Variants in HIF3A observed in about 807,000 individuals in gnomAD.
HIF3A encodes hypoxia-inducible factor 3-alpha.
In HIF3A, 41 loss-of-function variants were observed where a neutral mutation model predicts 67.2. The observed-to-expected ratio is 0.61, with a 90% CI of 0.48 to 0.79. The LOEUF is 0.79. Among genes scored for constraint, HIF3A ranks in the 30% least tolerant of loss-of-function variants. The pLI is 0.00. For missense variants in HIF3A, 855 were observed against 898.0 expected, an observed-to-expected ratio of 0.95 and a Z score of 0.61; for synonymous variants, 356 against 374.8, an observed-to-expected ratio of 0.95 and a Z score of 0.58.
rs1448888438 is a variant in HIF3A, at chr19:46,297,692, G to T, written c.26+590G>T. Among the ~76,000 whole-genome samples, 1 of 152,048 alleles carries T rather than the reference G, an allele frequency of 6.6e-6. No homozygotes were observed. Among genetic ancestry groups the T allele is most frequent in the African/African-American group, 2.4e-5 (1 of 41,408 alleles). On this transcript the variant is annotated intron_variant, in intron 1 of 14. Transcript: ENST00000377670. This position sits in a 1 kb window ranked among gnomAD's most constrained non-coding sequence, Gnocchi z 4.5. ...TGGGTTTCCCTAGAAATGGGCAGAGGGGAGCCCCTTTCAGAAGCCGTCTGG... is the reference window on the plus strand; with the variant it reads ...TGGGTTTCCCTAGAAATGGGCAGAGTGGAGCCCCTTTCAGAAGCCGTCTGG...
chr19:46,327,912 G>A (rs1320663710), intron 11 of HIF3A, among the ~76,000 whole-genome samples: 2 of 152,338 alleles, frequency 1.3e-5, no homozygotes, highest in South Asian at 2.1e-4. Context: ...GGGACATGTT[G>A]TCCTCCCAGT....
At chr19:46,317,671 G>T (rs1970025903) in intron 8 of HIF3A, among the ~76,000 whole-genome samples, 1 of 151,924 alleles carries the variant, frequency 6.6e-6, no homozygotes, top group Non-Finnish European at 1.5e-5. Flanking sequence ...TGTCCCCCAT[G>T]CCCATTTTCT....
At chr19:46,304,822 C>T (rs2147127388) in intron 2 of HIF3A, among the ~76,000 whole-genome samples, 1 of 151,356 alleles carries the variant, frequency 6.6e-6, no homozygotes, top group Admixed American at 6.6e-5. Context: ...CTCTAGAGTT[C>T]TGTCCCTCTG....
In HIF3A at chr19:46,339,763, T is replaced by A; in HGVS notation, c.*141T>A. On this transcript the variant is annotated 3_prime_UTR_variant, in exon 15 of 15. Coordinates refer to ENST00000377670, the MANE Select transcript of HIF3A (RefSeq NM_152795.4). ...ATGTACCCCCTGCCCACCTCGGGCC[T>A]ACCTCAGCCCTCACCCCTCTGCCTG... 1 of 511,780 alleles carries A rather than the reference T, an allele frequency of 2.0e-6. No individual in the cohort carries two copies. The highest frequency in any genetic ancestry group is 3.4e-6 in the Non-Finnish European group (1 of 294,246). The allele number at this position is 511,780 out of a possible 1,614,324, so 31.7% of individuals were successfully genotyped here.
intron 12 of HIF3A, among the ~76,000 whole-genome samples, chr19:46,330,286 TG>T (rs1392627117): frequency 6.6e-6 from 1 of 152,128 alleles, no homozygotes; most frequent in Non-Finnish European, 1.5e-5. Flanking sequence ...GACAGGTGGA[TG>T]GATGCATAGG....
At chr19:46,327,155 A>C (rs796951041) in intron 11 of HIF3A, among the ~76,000 whole-genome samples, 18 of 149,120 alleles carry the variant, frequency 1.2e-4, no homozygotes, top group South Asian at 4.2e-4. Context: ...CTTTTGTCCC[A>C]AAAAAAATAT....
At position 46,333,788 on chromosome 19, in the gene HIF3A, C is replaced by CTTTTTTTTTT. The variant is rs1165101162; in HGVS notation, c.1831-1104_1831-1095dup. ...TTCCTTTCCTTTCTTTTCTTTCTTT[C>CTTTTTTTTTT]TTTTTTTTTTTTTTTTTTTTTTGAG... On this transcript the variant is annotated intron_variant, in intron 13 of 14. Coordinates refer to ENST00000377670, the MANE Select transcript of HIF3A (RefSeq NM_152795.4). Among the ~76,000 whole-genome samples, 86 of 103,574 alleles carry CTTTTTTTTTT rather than the reference C, an allele frequency of 8.3e-4. 1 individual carries two copies. Among genetic ancestry groups the CTTTTTTTTTT allele is most frequent in the African/African-American group, 1.5e-3 (40 of 26,088 alleles). The allele number at this position is 103,574 out of a possible 152,430, so 67.9% of individuals were successfully genotyped here. A position where few individuals can be genotyped will look rare whatever the true frequency, so the allele number is the denominator to read the frequency against.
chr19:46,300,265 C>A (rs900239545), intron 1 of HIF3A, among the ~76,000 whole-genome samples: 3 of 152,192 alleles, frequency 2.0e-5, no homozygotes, highest in African/African-American at 7.2e-5. Flanking sequence ...CATGCACACA[C>A]CACACTATGG....
intron 11 of HIF3A, among the ~76,000 whole-genome samples, chr19:46,327,278 G>A (rs983507154): frequency 1.3e-5 from 2 of 151,562 alleles, no homozygotes; most frequent in Admixed American, 6.6e-5. Flanking sequence ...CTGGCCCAAG[G>A]GTGCTCTTCA....
chr19:46,335,245 C>T (rs1489336787), intron 14 of HIF3A, among the ~76,000 whole-genome samples: 1 of 134,692 alleles, frequency 7.4e-6, no homozygotes, highest in African/African-American at 3.2e-5. Flanking sequence ...CGCCTATGAT[C>T]ACATTTATTT....
intron 1 of HIF3A, chr19:46,298,396 T>C: frequency 9.3e-7 from 1 of 1,077,428 alleles, no homozygotes; most frequent in Non-Finnish European, 1.3e-6. Flanking sequence ...GGCCCTTTCC[T>C]GTGGAGTCAT....
intron 1 of HIF3A, among the ~76,000 whole-genome samples, chr19:46,301,797 G>A (rs1206628976): frequency 6.6e-6 from 1 of 150,668 alleles, no homozygotes; most frequent in Non-Finnish European, 1.5e-5. Flanking sequence ...ACTCCAGCCT[G>A]GCTGACACAG....
chr19:46,334,278 G>A (rs1161898772), intron 13 of HIF3A, among the ~76,000 whole-genome samples: 1 of 151,912 alleles, frequency 6.6e-6, no homozygotes, highest in African/African-American at 2.4e-5. Context: ...TTTTAGTAGA[G>A]ATGGAGTTTC....
chr19:46,316,747 G>C (rs1969942924), intron 8 of HIF3A, among the ~76,000 whole-genome samples: 1 of 149,470 alleles, frequency 6.7e-6, no homozygotes, highest in South Asian at 2.1e-4. Flanking sequence ...AGGTTGCAAT[G>C]AGTGGAGATC....
intron 3 of HIF3A, chr19:46,306,483 G>C (rs1968863694): frequency 6.6e-6 from 1 of 152,180 alleles, no homozygotes; most frequent in Admixed American, 6.6e-5. Flanking sequence ...AACATGGAAG[G>C]CTTCATGCAT....
At chr19:46,331,345 A>C in intron 13 of HIF3A, 72 bp downstream of exon 13, 1 of 1,227,728 alleles carries the variant, frequency 8.1e-7, no homozygotes, top group Non-Finnish European at 1.2e-6. Flanking sequence ...TTTTATAGAT[A>C]GGAAACCAGA....
intron 8 of HIF3A, among the ~76,000 whole-genome samples, chr19:46,315,558 C>A (rs1056146112): frequency 3.3e-5 from 5 of 151,844 alleles, no homozygotes; most frequent in Non-Finnish European, 7.4e-5. Context: ...GTTTTCATTT[C>A]TCTTGGGTAA....
In HIF3A at chr19:46,329,244, A is replaced by G; in HGVS notation, c.1478A>G (p.Tyr493Cys). Residue 493 changes from tyrosine to cysteine, a missense_variant, in exon 12 of 15, where the codon TAC becomes TGC. Coordinates refer to ENST00000377670, the MANE Select transcript of HIF3A (RefSeq NM_152795.4). ...CTGGATTTGGAGATGCTGGCCCCCT[A>G]CATCTCCATGGATGATGACTTCCAG... is the stretch of plus-strand genomic sequence containing the variant. ...DALDLEMLAP[Y>C]ISMDDDFQLN... The G allele has an allele frequency of 1.2e-6, 2 of 1,612,156 alleles. No individual in the cohort carries two copies. The highest frequency in any genetic ancestry group is 1.7e-6 in the Non-Finnish European group (2 of 1,179,258).
chr19:46,298,216 C>T, intron 1 of HIF3A: 1 of 326,814 alleles, frequency 3.1e-6, no homozygotes, highest in Admixed American at 4.1e-5. Flanking sequence ...CCGCCCCCAT[C>T]CTCTCCCCTG....
Sources: gnomAD v4.1 joint callset for allele counts (sites outside exome capture counted in the v4.1 genomes callset) on GRCh38, gnomAD v4.1.1 for gene constraint, Gnocchi (gnomAD v3.1) non-coding constraint, MANE v1.5 for transcripts, NCBI Gene and HGNC (gene_info 2026-07-23, HGNC 2026-07-21) for gene names.